Variants in JARID2 observed in about 807,000 individuals in gnomAD.
The protein encoded by JARID2 is jumonji and AT-rich interaction domain containing 2, also known as protein Jumonji.
Under a neutral mutation model 125.6 loss-of-function variants are expected in JARID2, and 21 were observed. The ratio of observed to expected loss-of-function variants is 0.17; its 90% CI spans 0.12 to 0.24. JARID2 has a LOEUF of 0.24. Ranked by LOEUF, JARID2 falls within the 10% of genes least tolerant of loss-of-function variation. JARID2 has a pLI of 1.00. For synonymous variants in JARID2, 736 were observed against 661.6 expected, an observed-to-expected ratio of 1.11 and a Z score of -1.73; for missense variants, 1,303 against 1,639.6, an observed-to-expected ratio of 0.79 and a Z score of 3.55.
chr6:15,484,384 T>G (rs1003722980), intron 5 of JARID2, among the ~76,000 whole-genome samples: 2 of 151,664 alleles, frequency 1.3e-5, no homozygotes, highest in Non-Finnish European at 2.9e-5. Context: ...CCCAGAGGAG[T>G]AGGAGGTTGT....
intron 1 of JARID2, among the ~76,000 whole-genome samples, chr6:15,269,982 G>T (rs1030232015): frequency 3.3e-5 from 5 of 151,998 alleles, no homozygotes; most frequent in Non-Finnish European, 7.4e-5. Flanking sequence ...GAGGTTTTTT[G>T]TTTTTTCATA....
chr6:15,433,412 G>C (rs60249756), intron 3 of JARID2, among the ~76,000 whole-genome samples: 12,831 of 65,660 alleles, frequency 0.2, 646 homozygotes, highest in Middle Eastern at 0.35. Flanking sequence ...ATGTCTCTCT[G>C]TGTGTGTGTG....
At chr6:15,440,876 ATGT>A (rs1478219002) in intron 3 of JARID2, among the ~76,000 whole-genome samples, 11 of 152,218 alleles carry the variant, frequency 7.2e-5, no homozygotes, top group Admixed American at 3.3e-4. Context: ...TTTTTAACAA[ATGT>A]TGTCAGAGAC....
Position 15,328,848 on chromosome 6 carries a change from A to G in JARID2, c.46-45269A>G, listed in dbSNP as rs568162757. Among the ~76,000 whole-genome samples the G allele has an allele frequency of 2.4e-4, 37 of 152,344 alleles. No homozygotes were observed. In the South Asian group the frequency reaches 3.3e-3, roughly 14 times the overall value. On this transcript the variant is annotated intron_variant, in intron 1 of 17. Transcript: ENST00000341776. ...CAGGAAGGGTACCTGTCAAGTATGT[A>G]GAGTGCAAAGGACCCTTCCTTAGAT...
chr6:15,312,448 A>T (rs1762046642), intron 1 of JARID2, among the ~76,000 whole-genome samples: 1 of 152,220 alleles, frequency 6.6e-6, no homozygotes, highest in Non-Finnish European at 1.5e-5. Context: ...ACAACTGCAC[A>T]CATCTGGGTA....
chr6:15,339,201 A>T (rs550062272), intron 1 of JARID2, among the ~76,000 whole-genome samples: 1 of 152,294 alleles, frequency 6.6e-6, no homozygotes, highest in East Asian at 1.9e-4. Context: ...TCTCAATTAT[A>T]CTAAGTTGTC....
chr6:15,287,817 T>G (rs1406919553), intron 1 of JARID2, among the ~76,000 whole-genome samples: 16 of 152,202 alleles, frequency 1.1e-4, no homozygotes, highest in Admixed American at 1.0e-3. Flanking sequence ...TCTACTCATT[T>G]CAGCACTTTG....
chr6:15,398,254 G>T (rs1321330224), intron 2 of JARID2, among the ~76,000 whole-genome samples: 1 of 152,202 alleles, frequency 6.6e-6, no homozygotes, highest in Non-Finnish European at 1.5e-5. Flanking sequence ...TGATTATTCA[G>T]AGGACTTTGG....
intron 12 of JARID2, chr6:15,509,077 C>CT (rs1307520383): frequency 1.2e-5 from 15 of 1,289,178 alleles, no homozygotes; most frequent in Non-Finnish European, 1.5e-5. Flanking sequence ...CCTGTGGAGT[C>CT]TGTTGCCTGG....
chr6:15,269,305 G>C (rs1325170445), intron 1 of JARID2, among the ~76,000 whole-genome samples: 2 of 152,074 alleles, frequency 1.3e-5, no homozygotes, highest in East Asian at 3.9e-4. Flanking sequence ...TTTCTGACTC[G>C]ATAACTGCCT....
At chr6:15,459,006 A>G (rs1164718949) in intron 4 of JARID2, among the ~76,000 whole-genome samples, 1 of 152,196 alleles carries the variant, frequency 6.6e-6, no homozygotes, top group Non-Finnish European at 1.5e-5. Context: ...TCTGCAGAAA[A>G]TCGATTGAGG....
chr6:15,347,420 T>C (rs1763279258), intron 1 of JARID2, among the ~76,000 whole-genome samples: 1 of 152,222 alleles, frequency 6.6e-6, no homozygotes, highest in African/African-American at 2.4e-5. Flanking sequence ...GCAAGCATTC[T>C]TCTCAGTATT....
chr6:15,384,394 G>A (rs1764704739), intron 2 of JARID2, among the ~76,000 whole-genome samples: 1 of 143,860 alleles, frequency 7.0e-6, no homozygotes, highest in Non-Finnish European at 1.5e-5. Flanking sequence ...TTTTTGGATA[G>A]GCCTCATGAA....
At chr6:15,471,212 T>A (rs1769060123) in intron 5 of JARID2, among the ~76,000 whole-genome samples, 1 of 152,104 alleles carries the variant, frequency 6.6e-6, no homozygotes, top group African/African-American at 2.4e-5. Flanking sequence ...TGAGTTTGTG[T>A]TGATGGTGAG....
At chr6:15,415,829 C>CCCACCTCT (rs1766162983) in intron 3 of JARID2, among the ~76,000 whole-genome samples, 1 of 144,536 alleles carries the variant, frequency 6.9e-6, no homozygotes, top group Admixed American at 6.8e-5. Flanking sequence ...GGCTGACCCC[C>CCCACCTCT]CCACCTCCCT....
intron 2 of JARID2, among the ~76,000 whole-genome samples, chr6:15,395,369 C>T (rs908014809): frequency 6.6e-6 from 1 of 152,088 alleles, no homozygotes; most frequent in African/African-American, 2.4e-5. Flanking sequence ...GATCTCAGCT[C>T]ACCGCAACCT....
intron 1 of JARID2, among the ~76,000 whole-genome samples, chr6:15,270,901 A>T (rs1581349489): frequency 6.6e-6 from 1 of 152,016 alleles, no homozygotes; most frequent in South Asian, 2.1e-4. Context: ...AGATCTTGCC[A>T]CTGCACTCCA....
intron 1 of JARID2, among the ~76,000 whole-genome samples, chr6:15,286,461 G>A (rs1164445706): frequency 1.3e-5 from 2 of 151,376 alleles, no homozygotes; most frequent in East Asian, 2.0e-4. Context: ...CATGTTGACC[G>A]GGCTGTTCTT....
At chr6:15,437,386 C>G (rs1767252998) in intron 3 of JARID2, among the ~76,000 whole-genome samples, 1 of 152,160 alleles carries the variant, frequency 6.6e-6, no homozygotes, top group Non-Finnish European at 1.5e-5. Flanking sequence ...CTGAATCACA[C>G]CATGAACCCT....
Sources: gnomAD v4.1 joint callset for allele counts (sites outside exome capture counted in the v4.1 genomes callset) on GRCh38, gnomAD v4.1.1 for gene constraint, MANE v1.5 for transcripts, NCBI Gene and HGNC (gene_info 2026-07-23, HGNC 2026-07-21) for gene names.